Variants in ETV6 observed in about 807,000 individuals in gnomAD.
ETV6 encodes transcription factor ETV6.
ETV6 carries 16 observed loss-of-function variants against 51.1 expected under a neutral mutation model. The ratio of observed to expected loss-of-function variants is 0.31; its 90% confidence interval spans 0.21 to 0.48. The LOEUF (loss-of-function observed/expected upper bound fraction) is 0.48. Among genes scored for constraint, ETV6 ranks in the 20% least tolerant of loss-of-function variants. The pLI, the probability that ETV6 is intolerant of heterozygous loss-of-function variation, is 0.99. For missense variants in ETV6, 458 were observed against 594.8 expected, an observed-to-expected ratio of 0.77 and a Z score of 2.39; for synonymous variants, 240 against 224.1, an observed-to-expected ratio of 1.07 and a Z score of -0.64.
At chr12:11,656,742 T>C (rs1050080010) in intron 1 of ETV6, among the ~76,000 whole-genome samples, 1 of 152,242 alleles carries the variant, frequency 6.6e-6, no homozygotes, top group Non-Finnish European at 1.5e-5. Context: ...ATCTGAGAGA[T>C]TGTGTCATCC....
rs1387796704 is a variant in ETV6, at chr12:11,873,525, G to A, written c.1009+3556G>A. Among the ~76,000 whole-genome samples the A allele has an allele frequency of 6.0e-5, 7 of 115,862 alleles. 3 individuals carry two copies. The highest frequency in any genetic ancestry group is 2.3e-4 in the African/African-American group (7 of 30,402). The allele number at this position is 115,862 out of a possible 152,430, so 76.0% of individuals were successfully genotyped here. On this transcript the variant is annotated intron_variant, in intron 5 of 7. Coordinates refer to ENST00000396373, the MANE Select transcript of ETV6 (RefSeq NM_001987.5). ...CTTAGTTCCTTAAAGCTTTTCAAAT[G>A]AGCACAGCACAAAAAGAAATGAAGG...
chr12:11,890,171 T>TA (rs1947265378), intron 7 of ETV6, among the ~76,000 whole-genome samples: 1 of 146,674 alleles, frequency 6.8e-6, no homozygotes, highest in African/African-American at 2.5e-5. Context: ...GAAGCTCCAC[T>TA]AAGTTGTCCT....
At chr12:11,839,082 G>A in intron 2 of ETV6, 58 bp from the exon 3 acceptor site, 2 of 1,548,090 alleles carry the variant, frequency 1.3e-6, no homozygotes, top group East Asian at 4.5e-5. Flanking sequence ...CTTTATTCCA[G>A]CTGTCTAACT....
At chr12:11,653,074 G>A (rs1041134950) in intron 1 of ETV6, among the ~76,000 whole-genome samples, 1 of 151,836 alleles carries the variant, frequency 6.6e-6, no homozygotes, top group Non-Finnish European at 1.5e-5. Context: ...AACCCTTGAA[G>A]GTTGTGGCAC....
Position 11,790,955 on chromosome 12 carries a change from G to A in ETV6, c.163+38376G>A, listed in dbSNP as rs568220998. ...CTTGGCCTCCCAAAGTGCTGGGATT[G>A]CAGCTGTGAGCCATTGCGCCCGGCC... On this transcript the variant is annotated intron_variant, in intron 2 of 7. Coordinates refer to ENST00000396373, the MANE Select transcript of ETV6 (RefSeq NM_001987.5). 9.2e-5 allele frequency among the ~76,000 whole-genome samples: 14 copies of A among 152,110 alleles called. No individual in the cohort carries two copies. The South Asian group carries it at 2.3e-3, about 25-fold the overall frequency.
chr12:11,696,080 CAG>C (rs1458748229), intron 1 of ETV6, among the ~76,000 whole-genome samples: 1 of 151,880 alleles, frequency 6.6e-6, no homozygotes, highest in Non-Finnish European at 1.5e-5. Context: ...GATAAATTAA[CAG>C]GAGAAAAATA....
At chr12:11,817,863 A>G (rs1946015994) in intron 2 of ETV6, among the ~76,000 whole-genome samples, 1 of 152,220 alleles carries the variant, frequency 6.6e-6, no homozygotes, top group Admixed American at 6.5e-5. Flanking sequence ...GAAATTCCAT[A>G]TCCATCTTCA....
intron 2 of ETV6, among the ~76,000 whole-genome samples, chr12:11,766,151 A>C (rs771397749): frequency 6.6e-6 from 1 of 152,218 alleles, no homozygotes; most frequent in Non-Finnish European, 1.5e-5. Context: ...ACATCCCAGC[A>C]GCAGCAGAAA....
Position 11,892,049 on chromosome 12 carries a change from T to C in ETV6, c.*1003T>C, listed in dbSNP as rs1947297742. The stretch of plus-strand genomic sequence containing the variant: ...GCGCAGCGCTGCAAAGTGGAAAATA[T>C]GAAAAGACCACACAGGCCCAGCAGT... On this transcript the variant is annotated 3_prime_UTR_variant, in exon 8 of 8. Transcript: ENST00000396373. The C allele has an allele frequency of 1.3e-5, 3 of 233,808 alleles. No individual in the cohort carries two copies. In the South Asian group the frequency reaches 5.4e-4, roughly 42 times the overall value. 14.5% of individuals were successfully genotyped at this position (233,808 alleles called of 1,614,324 possible).
At chr12:11,857,632 A>G (rs145355098) in intron 4 of ETV6, among the ~76,000 whole-genome samples, 231 of 152,372 alleles carry the variant, frequency 1.5e-3, no homozygotes, top group African/African-American at 5.4e-3. Flanking sequence ...CCAGGACTAC[A>G]TATCAAATAT....
chr12:11,729,265 C>A (rs926970142), intron 1 of ETV6, among the ~76,000 whole-genome samples: 1 of 152,146 alleles, frequency 6.6e-6, no homozygotes, highest in African/African-American at 2.4e-5. Flanking sequence ...GTCAGTTGAA[C>A]TTTGCCCATG....
At chr12:11,889,279 G>T (rs779411624) in intron 7 of ETV6, among the ~76,000 whole-genome samples, 33 of 152,174 alleles carry the variant, frequency 2.2e-4, no homozygotes, top group Non-Finnish European at 3.5e-4. Flanking sequence ...AGCAGGAAAA[G>T]CAGTAGTAGC....
At chr12:11,762,935 T>C (rs891608140) in intron 2 of ETV6, among the ~76,000 whole-genome samples, 2 of 152,122 alleles carry the variant, frequency 1.3e-5, no homozygotes, top group Admixed American at 1.3e-4. Context: ...TATGAGTAAG[T>C]GATTTGGTGC....
intron 1 of ETV6, among the ~76,000 whole-genome samples, chr12:11,742,669 T>A (rs1336908364): frequency 6.6e-6 from 1 of 152,216 alleles, no homozygotes; most frequent in East Asian, 1.9e-4. Context: ...TCTTAAGGCT[T>A]ACATAAAAAA....
At chr12:11,865,459 G>A (rs1400422968) in intron 4 of ETV6, among the ~76,000 whole-genome samples, 5 of 151,328 alleles carry the variant, frequency 3.3e-5, no homozygotes, top group East Asian at 3.9e-4. Flanking sequence ...GATGGTTAAC[G>A]TATCTCTTAA....
intron 7 of ETV6, among the ~76,000 whole-genome samples, chr12:11,888,403 T>TTTTCTTTTC (rs1565569653): frequency 1.6e-5 from 1 of 63,146 alleles, no homozygotes; most frequent in African/African-American, 6.3e-5. Flanking sequence ...CTTTTCTTTT[T>TTTTCTTTTC]TTTTTTTTTT....
In ETV6 at chr12:11,891,469, A is replaced by ATT. The variant is rs1555148747; in HGVS notation, c.*428_*429dup. On this transcript the variant is annotated 3_prime_UTR_variant, in exon 8 of 8. Coordinates refer to ENST00000396373, the MANE Select transcript of ETV6 (RefSeq NM_001987.5). ...GGAAATATATATCTATTATATATAT[A>ATT]TTTTTTGCAAATCTCACAAAGTGCG... 18 of 488,416 alleles carry ATT rather than the reference A, an allele frequency of 3.7e-5. No individual in the cohort carries two copies. The highest frequency in any genetic ancestry group is 4.5e-4 in the Middle Eastern group (1 of 2,212). The allele number at this position is 488,416 out of a possible 1,614,324, so 30.3% of individuals were successfully genotyped here.
intron 2 of ETV6, among the ~76,000 whole-genome samples, chr12:11,754,963 A>G (rs1387308238): frequency 6.6e-6 from 1 of 152,260 alleles, no homozygotes; most frequent in Non-Finnish European, 1.5e-5. Flanking sequence ...TAATTTTTCA[A>G]GGTCGATCAC....
chr12:11,775,910 T>A (rs1221764590), intron 2 of ETV6, among the ~76,000 whole-genome samples: 1 of 152,258 alleles, frequency 6.6e-6, no homozygotes, highest in South Asian at 2.1e-4. Context: ...TTCATGTGGC[T>A]CTTTGGGTCT....
Sources: allele counts gnomAD v4.1 joint callset (sites outside exome capture counted in the v4.1 genomes callset), GRCh38; gene constraint gnomAD v4.1.1; transcripts MANE v1.5; gene names NCBI Gene and HGNC (gene_info 2026-07-23, HGNC 2026-07-21).